The following CNPY1 variants were observed in gnomAD, a reference collection of about 807,000 sequenced individuals.
CNPY1 encodes protein canopy homolog 1.
CNPY1 carries 14 observed loss-of-function variants against 14.4 expected under a neutral mutation model. The ratio of observed to expected loss-of-function variants is 0.97; its 90% CI spans 0.64 to 1.52. The LOEUF is 1.52. Among genes scored for constraint, CNPY1 ranks in the 40% most tolerant of loss-of-function variants. The probability of loss-of-function intolerance (pLI) is 0.00; values close to 1 mark genes in which losing one functional copy is unlikely to be tolerated. For synonymous variants in CNPY1, 43 were observed against 46.5 expected (o/e 0.92, Z 0.31); for missense variants, 129 against 131.5 (o/e 0.98, Z 0.09).
At chr7:155,528,607 A>G (rs1796872753) in intron 2 of CNPY1, among the ~76,000 whole-genome samples, 1 of 152,232 alleles carries the variant, frequency 6.6e-6, no homozygotes, top group African/African-American at 2.4e-5. Context: ...GCAGGACAGC[A>G]AGGCTGTGGC....
intron 4 of CNPY1, among the ~76,000 whole-genome samples, chr7:155,505,212 C>T (rs1225762794): frequency 6.6e-6 from 1 of 152,108 alleles, no homozygotes; most frequent in African/African-American, 2.4e-5. Context: ...GAAACATTAC[C>T]TGAAAGGACT....
chr7:155,535,632 C>T (rs1056807260), intron 2 of CNPY1, among the ~76,000 whole-genome samples: 6 of 152,182 alleles, frequency 3.9e-5, no homozygotes, highest in Admixed American at 6.5e-5. Context: ...TCCTTGCCTA[C>T]ACACGAGGCC....
Position 155,532,494 on chromosome 7 carries a change from G to A in CNPY1, c.99+13337C>T, listed in dbSNP as rs756522990. 3.9e-5 allele frequency among the ~76,000 whole-genome samples: 6 copies of A among 152,250 alleles called. No homozygotes were observed. In the East Asian group the frequency reaches 5.8e-4, roughly 15 times the overall value. On this transcript the variant is annotated intron_variant, in intron 2 of 4. Coordinates refer to ENST00000636446, the MANE Select transcript of CNPY1 (RefSeq NM_001393663.1). Reference sequence around the variant, plus strand: ...AAATTAGCCGGGCACGGTGGTGGGCGCCTGTAGTCCCAGCTACTCGGGAGG... The same window carrying A: ...AAATTAGCCGGGCACGGTGGTGGGCACCTGTAGTCCCAGCTACTCGGGAGG...
intron 2 of CNPY1, among the ~76,000 whole-genome samples, chr7:155,515,763 C>T (rs1297095387): frequency 6.6e-6 from 1 of 152,084 alleles, no homozygotes; most frequent in African/African-American, 2.4e-5. Context: ...AGGGTAGAGC[C>T]TCTTTTCAAT....
intron 4 of CNPY1, among the ~76,000 whole-genome samples, chr7:155,503,898 C>T (rs1275989946): frequency 6.6e-6 from 1 of 152,176 alleles, no homozygotes; most frequent in Non-Finnish European, 1.5e-5. Context: ...CCATTCATTT[C>T]TAAGTTACAG....
chr7:155,541,454 T>C (rs1452949801), intron 2 of CNPY1, among the ~76,000 whole-genome samples: 1 of 152,228 alleles, frequency 6.6e-6, no homozygotes. Context: ...ATAAAGTTGA[T>C]AACATTGAAG....
chr7:155,507,800 C>T (rs9654663), intron 3 of CNPY1, among the ~76,000 whole-genome samples: 5,809 of 152,216 alleles, frequency 0.038, 364 homozygotes, highest in African/African-American at 0.13. Context: ...AAGTATGTTT[C>T]TTTGTTAAGG....
intron 2 of CNPY1, among the ~76,000 whole-genome samples, chr7:155,532,455 A>G (rs1796954435): frequency 1.4e-5 from 1 of 69,480 alleles, no homozygotes; most frequent in Non-Finnish European, 2.6e-5. Context: ...ACCCGTCTCT[A>G]CTAAAAATAC....
In CNPY1 at chr7:155,536,675, G is replaced by A. The variant is rs551299190; in HGVS notation, c.99+9156C>T. Among the ~76,000 whole-genome samples the A allele has an allele frequency of 5.3e-5, 8 of 152,202 alleles. No homozygotes were observed. The highest frequency in any genetic ancestry group is 1.9e-4 in the East Asian group (1 of 5,162). ...TCCACCTGCTGGATGAACAGGACTC[G>A]GGCTTGGAGGAGGAGGAGCCACAAG... On this transcript the variant is annotated intron_variant, in intron 2 of 4. Coordinates refer to ENST00000636446, the MANE Select transcript of CNPY1 (RefSeq NM_001393663.1). The surrounding 1 kb of genome is among the most constrained non-coding windows in gnomAD (Gnocchi z 4.1).
At chr7:155,520,128 T>C (rs1450846046) in intron 2 of CNPY1, among the ~76,000 whole-genome samples, 20 of 152,022 alleles carry the variant, frequency 1.3e-4, no homozygotes, top group Admixed American at 1.3e-3. Flanking sequence ...AATGGAAGAG[T>C]GCTCAGCTAA....
At chr7:155,545,191 T>C (rs1797143807) in intron 2 of CNPY1, among the ~76,000 whole-genome samples, 1 of 152,202 alleles carries the variant, frequency 6.6e-6, no homozygotes, top group Admixed American at 6.5e-5. Flanking sequence ...TCTAATAATA[T>C]TTCTCTTAGA....
chr7:155,539,744 G>A (rs1208649847), intron 2 of CNPY1, among the ~76,000 whole-genome samples: 1 of 152,240 alleles, frequency 6.6e-6, no homozygotes, highest in Non-Finnish European at 1.5e-5. Flanking sequence ...TATGAAATAT[G>A]AGACTCCAAC....
At chr7:155,539,757 G>C (rs1301882863) in intron 2 of CNPY1, among the ~76,000 whole-genome samples, 7 of 152,210 alleles carry the variant, frequency 4.6e-5, no homozygotes, top group Non-Finnish European at 8.8e-5. Context: ...ACTCCAACAA[G>C]GGCAAGATGG....
At chr7:155,506,124 T>TA (rs1182126801) in intron 4 of CNPY1, among the ~76,000 whole-genome samples, 1 of 152,248 alleles carries the variant, frequency 6.6e-6, no homozygotes, top group Non-Finnish European at 1.5e-5. Flanking sequence ...CTACATTTGA[T>TA]ATAATGGATG....
At chr7:155,523,496 T>G (rs565440407) in intron 2 of CNPY1, among the ~76,000 whole-genome samples, 1 of 152,304 alleles carries the variant, frequency 6.6e-6, no homozygotes, top group Non-Finnish European at 1.5e-5. Flanking sequence ...AGCTCCAGCC[T>G]CTGGGAGCTG....
rs1272920067 is a variant in CNPY1, at chr7:155,546,435, C to T, written c.-21G>A. On this transcript the variant is annotated 5_prime_UTR_variant, in exon 1 of 5. Transcript: ENST00000636446. ...ACTCAAGCCATCCTCCTACCTTGGC[C>T]TCCTGAATTGCTGGGATTACAAGTA... is the stretch of plus-strand genomic sequence containing the variant. 7.5e-6 allele frequency: 3 copies of T among 398,238 alleles called. No individual in the cohort carries two copies. The highest frequency in any genetic ancestry group is 4.4e-5 in the Admixed American group (1 of 22,680). 24.7% of individuals were successfully genotyped at this position (398,238 alleles called of 1,614,324 possible).
At chr7:155,521,768 C>T (rs559989934) in intron 2 of CNPY1, among the ~76,000 whole-genome samples, 1 of 152,332 alleles carries the variant, frequency 6.6e-6, no homozygotes, top group Admixed American at 6.5e-5. Flanking sequence ...TGCGTACTGT[C>T]CCCAGCTGAG....
chr7:155,539,691 GA>G (rs535307810), intron 2 of CNPY1, among the ~76,000 whole-genome samples: 99 of 152,222 alleles, frequency 6.5e-4, no homozygotes, highest in African/African-American at 2.1e-3. Flanking sequence ...TTAACGGGGG[GA>G]AAAAAGCAGA....
intron 1 of CNPY1, among the ~76,000 whole-genome samples, 197 bp from the exon 2 acceptor site, chr7:155,546,140 G>T (rs1321747583): frequency 6.6e-6 from 1 of 151,802 alleles, no homozygotes; most frequent in Admixed American, 6.6e-5. Flanking sequence ...GTTCCCTTTT[G>T]TACTTTGTGT....
Sources: allele counts gnomAD v4.1 joint callset (sites outside exome capture counted in the v4.1 genomes callset), GRCh38; gene constraint gnomAD v4.1.1; non-coding constraint Gnocchi (gnomAD v3.1); transcripts MANE v1.5; gene names NCBI Gene and HGNC (gene_info 2026-07-23, HGNC 2026-07-21).